Variants in GALNT10 observed in about 807,000 individuals in gnomAD.
GALNT10 encodes polypeptide N-acetylgalactosaminyltransferase 10.
A neutral mutation model predicts 75.0 loss-of-function variants in GALNT10; 41 were observed. The ratio of observed to expected loss-of-function variants is 0.55; its 90% CI spans 0.43 to 0.71. GALNT10 has a LOEUF of 0.71. GALNT10 is among the 30% of genes least tolerant of loss of function. The pLI is 0.00. For synonymous variants in GALNT10, 302 were observed against 313.0 expected, an observed-to-expected ratio of 0.96 and a Z score of 0.37; for missense variants, 727 against 818.5, an observed-to-expected ratio of 0.89 and a Z score of 1.36.
chr5:154,249,508 C>T (rs11951742), intron 1 of GALNT10, among the ~76,000 whole-genome samples: 96,199 of 151,876 alleles, frequency 0.63, 31,110 homozygotes, highest in East Asian at 0.86. Flanking sequence ...TCCATTCTCT[C>T]CTACTCTTTT....
rs955387916 is a variant in GALNT10 at position 154,227,779 on chromosome 5, G to T, written c.159+36754G>T. On this transcript the variant is annotated intron_variant, in intron 1 of 11. Coordinates refer to ENST00000297107, the MANE Select transcript of GALNT10 (RefSeq NM_198321.4). ...TTTTCCCTTATGTTTTCTCCTAGAT[G>T]TTTTATGATTTTAGACTTTACATTT... 2.6e-5 allele frequency among the ~76,000 whole-genome samples: 4 copies of T among 151,410 alleles called. No homozygotes were observed. In the South Asian group the frequency reaches 8.3e-4, roughly 32 times the overall value.
intron 1 of GALNT10, among the ~76,000 whole-genome samples, chr5:154,286,385 G>GTTGT (rs1202494793): frequency 2.2e-5 from 3 of 139,298 alleles, no homozygotes; most frequent in African/African-American, 8.2e-5. Context: ...GAGTCGATTT[G>GTTGT]TTTTTTTTTT....
chr5:154,300,622 G>A (rs1754344734), intron 3 of GALNT10, among the ~76,000 whole-genome samples: 2 of 152,208 alleles, frequency 1.3e-5, no homozygotes, highest in Admixed American at 1.3e-4. Context: ...TCTATTCATA[G>A]TATATATGTA....
intron 1 of GALNT10, among the ~76,000 whole-genome samples, chr5:154,202,860 C>T (rs1453534803): frequency 6.6e-6 from 1 of 152,142 alleles, no homozygotes; most frequent in Non-Finnish European, 1.5e-5. Context: ...CCAGCAGAGT[C>T]AGCCTGGGGT....
chr5:154,318,538 T>C (rs1009824936), intron 3 of GALNT10, among the ~76,000 whole-genome samples: 12 of 152,212 alleles, frequency 7.9e-5, no homozygotes, highest in African/African-American at 2.9e-4. Context: ...CTCTCTATCT[T>C]GTTTCTTCCT....
intron 1 of GALNT10, among the ~76,000 whole-genome samples, chr5:154,259,832 C>A (rs1753674046): frequency 1.3e-5 from 2 of 152,166 alleles, no homozygotes; most frequent in Non-Finnish European, 2.9e-5. Flanking sequence ...AAAGTTAGTT[C>A]TAACCAACAA....
rs1160794970 is a variant in GALNT10, at chr5:154,219,830, T to TCACACACA, written c.159+28806_159+28807insACACACAC. 2.2e-4 allele frequency among the ~76,000 whole-genome samples: 17 copies of TCACACACA among 75,682 alleles called. No individual in the cohort carries two copies. In the East Asian group the frequency reaches 4.7e-3, roughly 21 times the overall value. 49.7% of individuals were successfully genotyped at this position (75,682 alleles called of 152,430 possible). On this transcript the variant is annotated intron_variant, in intron 1 of 11. Transcript: ENST00000297107. The stretch of plus-strand genomic sequence containing the variant: ...CTCTCGCGCTCTCTCTCTCTCTCTC[T>TCACACACA]CTCTCTCTCACACACACACACACAC...
chr5:154,365,579 A>G (rs1001263474), intron 4 of GALNT10, among the ~76,000 whole-genome samples: 7 of 152,154 alleles, frequency 4.6e-5, no homozygotes, highest in African/African-American at 1.7e-4. Context: ...GCACCAAACC[A>G]TCATCAAGGA....
intron 1 of GALNT10, among the ~76,000 whole-genome samples, chr5:154,247,222 A>G (rs777838422): frequency 3.3e-5 from 5 of 152,160 alleles, no homozygotes; most frequent in Non-Finnish European, 5.9e-5. Context: ...GCCTTGTAGT[A>G]TAGTTTGAAG....
chr5:154,371,444 A>G (rs185235039), intron 4 of GALNT10, among the ~76,000 whole-genome samples: 25 of 152,134 alleles, frequency 1.6e-4, no homozygotes, highest in African/African-American at 6.0e-4. Context: ...TAGAACCATC[A>G]TCAGAGTCCT....
chr5:154,405,361 G>A (rs1371094655), intron 8 of GALNT10, among the ~76,000 whole-genome samples: 3 of 152,234 alleles, frequency 2.0e-5, no homozygotes, highest in Non-Finnish European at 4.4e-5. Context: ...CCGCGTGGAG[G>A]GAAAGGAGAG....
intron 8 of GALNT10, among the ~76,000 whole-genome samples, chr5:154,408,162 G>A (rs1325535081): frequency 2.0e-5 from 3 of 152,168 alleles, no homozygotes; most frequent in Admixed American, 6.5e-5. Flanking sequence ...TACATCAGAG[G>A]TGAGACCATA....
chr5:154,268,582 C>A (rs1220221768), intron 1 of GALNT10, among the ~76,000 whole-genome samples: 1 of 152,094 alleles, frequency 6.6e-6, no homozygotes, highest in Non-Finnish European at 1.5e-5. Context: ...ATAAAGATGG[C>A]AAAAGAATAT....
chr5:154,359,669 A>G (rs867327318), intron 4 of GALNT10, among the ~76,000 whole-genome samples: 21 of 151,784 alleles, frequency 1.4e-4, no homozygotes, highest in Admixed American at 2.6e-4. Flanking sequence ...CTCTTTGACA[A>G]GGGCCATCCT....
At chr5:154,196,744 G>A (rs947368124) in intron 1 of GALNT10, among the ~76,000 whole-genome samples, 2 of 152,188 alleles carry the variant, frequency 1.3e-5, no homozygotes, top group Non-Finnish European at 2.9e-5. Flanking sequence ...TGGATCTAAT[G>A]TGCTGTCTGA....
At chr5:154,281,601 G>T (rs1754039244) in intron 1 of GALNT10, among the ~76,000 whole-genome samples, 1 of 152,178 alleles carries the variant, frequency 6.6e-6, no homozygotes, top group Non-Finnish European at 1.5e-5. Flanking sequence ...TGAAGCCTGT[G>T]TCTTTTGGGT....
intron 1 of GALNT10, among the ~76,000 whole-genome samples, chr5:154,281,143 C>T (rs944987039): frequency 2.0e-5 from 3 of 152,290 alleles, no homozygotes; most frequent in Non-Finnish European, 4.4e-5. Flanking sequence ...GTTGATAGAT[C>T]AATTTTGAGA....
intron 1 of GALNT10, among the ~76,000 whole-genome samples, chr5:154,271,081 A>G (rs1011982144): frequency 1.3e-5 from 2 of 151,968 alleles, no homozygotes; most frequent in African/African-American, 4.8e-5. Context: ...AAAAGGATAA[A>G]GTGGACAAGT....
intron 1 of GALNT10, among the ~76,000 whole-genome samples, chr5:154,254,965 C>T (rs1302751712): frequency 6.6e-6 from 1 of 151,984 alleles, no homozygotes; most frequent in Non-Finnish European, 1.5e-5. Context: ...TGTAGGAGCT[C>T]CTCCCAGAAG....
Sources: allele counts gnomAD v4.1 joint callset (sites outside exome capture counted in the v4.1 genomes callset), GRCh38; gene constraint gnomAD v4.1.1; transcripts MANE v1.5; gene names NCBI Gene and HGNC (gene_info 2026-07-23, HGNC 2026-07-21).